The following CNTN4 variants were observed in gnomAD, a reference collection of about 807,000 sequenced individuals.
The protein encoded by CNTN4 is contactin-4.
CNTN4 carries 77 observed loss-of-function variants against 122.5 expected under a neutral mutation model. The observed-to-expected ratio is 0.63, with a 90% CI of 0.52 to 0.76. The LOEUF (loss-of-function observed/expected upper bound fraction) is 0.76, where lower values mean the gene tolerates loss of function less well. Among genes scored for constraint, CNTN4 ranks in the 30% least tolerant of loss-of-function variants. The probability of loss-of-function intolerance (pLI) is 0.00; values close to 1 mark genes in which losing one functional copy is unlikely to be tolerated. For synonymous variants in CNTN4, 512 were observed against 447.0 expected, an observed-to-expected ratio of 1.15 and a Z score of -1.83; for missense variants, 1,256 against 1,259.1, an observed-to-expected ratio of 1.00 and a Z score of 0.04.
chr3:2,732,783 T>G (rs185306040), intron 4 of CNTN4, among the ~76,000 whole-genome samples: 57 of 152,054 alleles, frequency 3.7e-4, no homozygotes, highest in African/African-American at 1.1e-3. Context: ...GATATCTGGG[T>G]TTTTTTTAAT....
intron 13 of CNTN4, among the ~76,000 whole-genome samples, chr3:2,974,600 A>C (rs17023935): frequency 6.6e-6 from 1 of 151,970 alleles, no homozygotes; most frequent in Non-Finnish European, 1.5e-5. Flanking sequence ...GTAGTACATC[A>C]ATGTGGCCGA....
At chr3:2,423,652 T>C (rs2047696885) in intron 3 of CNTN4, among the ~76,000 whole-genome samples, 2 of 152,148 alleles carry the variant, frequency 1.3e-5, no homozygotes. Flanking sequence ...CTACTTAAAG[T>C]AGAAGTTTTG....
At chr3:2,952,550 A>G (rs2094756793) in intron 13 of CNTN4, among the ~76,000 whole-genome samples, 1 of 152,212 alleles carries the variant, frequency 6.6e-6, no homozygotes, top group Admixed American at 6.5e-5. Flanking sequence ...ATGAAATTAT[A>G]TAATACCTTA....
intron 4 of CNTN4, among the ~76,000 whole-genome samples, chr3:2,731,766 A>G (rs1322768000): frequency 2.6e-5 from 4 of 152,250 alleles, no homozygotes; most frequent in Non-Finnish European, 4.4e-5. Context: ...CACTCAAATA[A>G]GAAGACATTC....
intron 3 of CNTN4, among the ~76,000 whole-genome samples, chr3:2,431,592 A>G (rs1343141315): frequency 6.6e-6 from 1 of 152,160 alleles, no homozygotes; most frequent in African/African-American, 2.4e-5. Flanking sequence ...ACCATAATTA[A>G]TCCAATCAAC....
intron 3 of CNTN4, among the ~76,000 whole-genome samples, chr3:2,402,336 A>T (rs2046887153): frequency 6.6e-6 from 1 of 152,070 alleles, no homozygotes; most frequent in East Asian, 1.9e-4. Context: ...TGGAAAGGAG[A>T]TGTAGATTTA....
intron 7 of CNTN4, among the ~76,000 whole-genome samples, chr3:2,852,287 T>C (rs1009760135): frequency 6.6e-6 from 1 of 152,146 alleles, no homozygotes; most frequent in Admixed American, 6.5e-5. Flanking sequence ...CTCCAAGAGA[T>C]GAGTCAAATG....
chr3:2,869,177 G>A (rs1490498892), intron 8 of CNTN4, among the ~76,000 whole-genome samples: 1 of 152,194 alleles, frequency 6.6e-6, no homozygotes, highest in Non-Finnish European at 1.5e-5. Flanking sequence ...GAAGCCGTTA[G>A]CGAATTGTAT....
At chr3:2,146,204 T>C (rs2035240651) in intron 2 of CNTN4, among the ~76,000 whole-genome samples, 1 of 135,232 alleles carries the variant, frequency 7.4e-6, no homozygotes, top group Non-Finnish European at 1.6e-5. Flanking sequence ...TACTGTAGTT[T>C]TAGTGAATAA....
intron 2 of CNTN4, among the ~76,000 whole-genome samples, chr3:2,164,795 C>A (rs541050066): frequency 9.9e-5 from 15 of 151,718 alleles, no homozygotes; most frequent in Non-Finnish European, 1.8e-4. Flanking sequence ...TCATGTTTGA[C>A]GGAAAAATGT....
chr3:2,518,085 A>G (rs951390793), intron 3 of CNTN4, among the ~76,000 whole-genome samples: 1 of 152,174 alleles, frequency 6.6e-6, no homozygotes, highest in African/African-American at 2.4e-5. Context: ...TTGTAGTATT[A>G]TATTTCTTGT....
chr3:2,229,932 T>C lies in CNTN4; in HGVS notation c.-144-109246T>C, dbSNP rs2039422453. Among the ~76,000 whole-genome samples, 3 of 152,218 alleles carry C rather than the reference T, an allele frequency of 2.0e-5. No homozygotes were observed. In the South Asian group the frequency reaches 6.2e-4, roughly 32 times the overall value. ...TGTGTAGCGTACTCCAAATGTTTGA[T>C]GAGTGAATGCATGAGAATGTGAGGG... On this transcript the variant is annotated intron_variant, in intron 2 of 24. Coordinates refer to ENST00000418658, the MANE Select transcript of CNTN4 (RefSeq NM_175607.3).
chr3:2,099,155 G>C (rs2125067830), intron 1 of CNTN4, 177 bp downstream of exon 1: 1 of 152,414 alleles, frequency 6.6e-6, no homozygotes, highest in Non-Finnish European at 1.5e-5. Flanking sequence ...GGGCCGTCCA[G>C]CTCAGAGCCC....
At chr3:2,946,994 C>T (rs956872014) in intron 13 of CNTN4, among the ~76,000 whole-genome samples, 1 of 152,154 alleles carries the variant, frequency 6.6e-6, no homozygotes, top group Non-Finnish European at 1.5e-5. Flanking sequence ...GTATGAGCCA[C>T]TGCCCCTGGC....
chr3:2,350,534 T>G (rs915402444), intron 3 of CNTN4, among the ~76,000 whole-genome samples: 4 of 151,432 alleles, frequency 2.6e-5, no homozygotes, highest in Admixed American at 2.6e-4. Flanking sequence ...TCTGTACTAG[T>G]GTAAGATAAA....
chr3:2,424,413 G>T (rs765351429), intron 3 of CNTN4, among the ~76,000 whole-genome samples: 1 of 152,018 alleles, frequency 6.6e-6, no homozygotes, highest in East Asian at 1.9e-4. Flanking sequence ...TTTTATGGCC[G>T]CATAGTATTC....
At position 2,913,020 on chromosome 3, in the gene CNTN4, C is replaced by G. The variant is rs140009316; in HGVS notation, c.1207+10015C>G. On this transcript the variant is annotated intron_variant, in intron 12 of 24. Coordinates refer to ENST00000418658, the MANE Select transcript of CNTN4 (RefSeq NM_175607.3). ...TACAAAGTTTAGCTGGATGTGGTGG[C>G]GCATGCCTGTAATCCCAGCTACTCA... Among the ~76,000 whole-genome samples the G allele has an allele frequency of 3.9e-4, 60 of 152,102 alleles. 1 individual carries two copies. The highest frequency in any genetic ancestry group is 1.4e-3 in the African/African-American group (58 of 41,470).
At chr3:2,968,914 G>A (rs1267439106) in intron 13 of CNTN4, among the ~76,000 whole-genome samples, 1 of 151,964 alleles carries the variant, frequency 6.6e-6, no homozygotes, top group Non-Finnish European at 1.5e-5. Flanking sequence ...CACTCTTCAG[G>A]TTGCAAATGA....
chr3:2,454,823 A>G (rs1344715955), intron 3 of CNTN4, among the ~76,000 whole-genome samples: 1 of 152,316 alleles, frequency 6.6e-6, no homozygotes, highest in South Asian at 2.1e-4. Context: ...GAATGTGTGA[A>G]TATTTTTAAA....
Sources: gnomAD v4.1 joint callset for allele counts (sites outside exome capture counted in the v4.1 genomes callset) on GRCh38, gnomAD v4.1.1 for gene constraint, MANE v1.5 for transcripts, NCBI Gene and HGNC (gene_info 2026-07-23, HGNC 2026-07-21) for gene names.